The following UBE2E3 variants were observed in gnomAD, a reference collection of about 807,000 sequenced individuals.
The protein encoded by UBE2E3 is ubiquitin-conjugating enzyme E2 E3.
In UBE2E3, 5 loss-of-function variants were observed where a neutral mutation model predicts 23.6. That is an observed-to-expected ratio of 0.21 (90% confidence interval 0.11 to 0.44). UBE2E3 has a LOEUF of 0.44. UBE2E3 is among the 20% of genes least tolerant of loss of function. The pLI, the probability that UBE2E3 is intolerant of heterozygous loss-of-function variation, is 0.99. For missense variants in UBE2E3, 81 were observed against 249.8 expected, an observed-to-expected ratio of 0.32 and a Z score of 4.55; for synonymous variants, 78 against 87.5, an observed-to-expected ratio of 0.89 and a Z score of 0.60.
rs533457137 is a variant in UBE2E3 at position 181,041,077 on chromosome 2, G to A, written c.246-16616G>A. ...ATCCTGGCCAGCATGATGAAACCCA[G>A]TCTCTACCAAAAATAAAAAAATTAG... On this transcript the variant is annotated intron_variant, in intron 3 of 5. Coordinates refer to ENST00000410062, the MANE Select transcript of UBE2E3 (RefSeq NM_006357.4). Among the ~76,000 whole-genome samples the A allele has an allele frequency of 2.2e-4, 34 of 151,870 alleles. 1 individual carries two copies. In the South Asian group the frequency reaches 6.9e-3, roughly 31 times the overall value.
At position 181,031,128 on chromosome 2, in the gene UBE2E3, T is replaced by A. The variant is rs554538316; in HGVS notation, c.246-26565T>A. ...TGATTTTTGTGGCCTCTCATACTAT[T>A]TTTTTAAAAAATTTGTTAAAAATTG... On this transcript the variant is annotated intron_variant, in intron 3 of 5. Coordinates refer to ENST00000410062, the MANE Select transcript of UBE2E3 (RefSeq NM_006357.4). Among the ~76,000 whole-genome samples the A allele has an allele frequency of 2.5e-4, 38 of 152,278 alleles. 1 individual carries two copies. The highest frequency in any genetic ancestry group is 2.5e-3 in the Admixed American group (38 of 15,304).
Position 180,998,682 on chromosome 2 carries a change from A to G in UBE2E3, c.245+14589A>G, listed in dbSNP as rs74435208. On this transcript the variant is annotated intron_variant, in intron 3 of 5. Transcript: ENST00000410062. ...TAAGGCCCTGTGCGTGAGCATGTCT[A>G]TAGTTAAAGACTTAATGAGAAAGCA... 4.6e-5 allele frequency among the ~76,000 whole-genome samples: 7 copies of G among 152,308 alleles called. No individual in the cohort carries two copies. The East Asian group carries it at 7.7e-4, about 17-fold the overall frequency.
chr2:181,021,213 A>C (rs1331399688), intron 3 of UBE2E3, among the ~76,000 whole-genome samples: 1 of 152,160 alleles, frequency 6.6e-6, no homozygotes, highest in Non-Finnish European at 1.5e-5. Context: ...TTTTGCTGAC[A>C]AATAAGATAT....
At chr2:181,056,936 T>C (rs535101268) in intron 3 of UBE2E3, among the ~76,000 whole-genome samples, 80 of 151,860 alleles carry the variant, frequency 5.3e-4, no homozygotes, top group African/African-American at 1.9e-3. Context: ...GGACACATAC[T>C]ATTTCAGCCA....
At chr2:180,989,750 A>G in intron 3 of UBE2E3, 1 of 984,364 alleles carries the variant, frequency 1.0e-6, no homozygotes, top group Non-Finnish European at 1.4e-6. Context: ...ATGTGCTTTT[A>G]AAAAAAGTTA....
intron 3 of UBE2E3, among the ~76,000 whole-genome samples, chr2:181,027,986 A>G (rs542639402): frequency 1.3e-5 from 2 of 152,044 alleles, no homozygotes; most frequent in Admixed American, 6.6e-5. Flanking sequence ...TTGAATCTCT[A>G]TATGTTGTCT....
chr2:180,984,252 A>T (rs1684388062), intron 3 of UBE2E3, among the ~76,000 whole-genome samples, 159 bp downstream of exon 3: 1 of 152,222 alleles, frequency 6.6e-6, no homozygotes, highest in Admixed American at 6.5e-5. Context: ...ACTAGATAAA[A>T]TTGGGAGAAA....
chr2:181,022,226 G>A (rs1343891742), intron 3 of UBE2E3, among the ~76,000 whole-genome samples: 1 of 151,956 alleles, frequency 6.6e-6, no homozygotes, highest in Non-Finnish European at 1.5e-5. Flanking sequence ...TATAGGAAAT[G>A]TAACCTTTTT....
rs1436490600 is a variant in UBE2E3 at position 181,062,871 on chromosome 2, A to G, written c.607A>G (p.Lys203Glu). The change falls in exon 6 of 6, where the codon AAG (lysine) becomes GAG (glutamate). Residue 203 changes from lysine (K) to glutamate (E), a missense_variant. By Grantham distance (56) the Lys-to-Glu change is moderately conservative. Transcript: ENST00000410062. ...EHDRIARQWT[K>E]RYAT ...CGACAGGATAGCCAGACAGTGGACC[A>G]AGAGATACGCAACATAATTCACATA... 6.2e-7 allele frequency: 1 copy of G among 1,606,248 alleles called. No homozygotes were observed. The highest frequency in any genetic ancestry group is 1.3e-5 in the African/African-American group (1 of 74,416).
intron 3 of UBE2E3, among the ~76,000 whole-genome samples, chr2:181,032,769 A>G (rs1341733183): frequency 6.6e-6 from 1 of 152,110 alleles, no homozygotes; most frequent in African/African-American, 2.4e-5. Context: ...AAGCGCTTTA[A>G]TTTAGGATTA....
At chr2:181,028,380 A>G (rs1002079495) in intron 3 of UBE2E3, among the ~76,000 whole-genome samples, 2 of 152,072 alleles carry the variant, frequency 1.3e-5, no homozygotes, top group Non-Finnish European at 2.9e-5. Context: ...ATTACTGAAC[A>G]TGTGTTCTAG....
At chr2:180,992,253 ATACTCTTT>A (rs1265155805) in intron 3 of UBE2E3, among the ~76,000 whole-genome samples, 1 of 140,918 alleles carries the variant, frequency 7.1e-6, no homozygotes, top group Non-Finnish European at 1.6e-5. Context: ...TTGCTTTCAA[ATACTCTTT>A]TAATCATTCC....
chr2:181,060,881 T>G (rs1687131555), intron 5 of UBE2E3, 69 bp downstream of exon 5: 45 of 1,063,546 alleles, frequency 4.2e-5, no homozygotes, highest in Non-Finnish European at 5.5e-5. Context: ...TTTTTTTTTT[T>G]TTTTTTTAGT....
At chr2:181,045,696 G>GGACC (rs1475500310) in intron 3 of UBE2E3, among the ~76,000 whole-genome samples, 14 of 152,030 alleles carry the variant, frequency 9.2e-5, no homozygotes, top group Non-Finnish European at 1.8e-4. Context: ...GCCAAGGTTG[G>GGACC]GACCCATGGT....
intron 3 of UBE2E3, among the ~76,000 whole-genome samples, chr2:181,052,435 A>G (rs1389797731): frequency 6.6e-6 from 1 of 151,934 alleles, no homozygotes; most frequent in Non-Finnish European, 1.5e-5. Context: ...CAACAGCAGC[A>G]GCAAAATAAG....
intron 3 of UBE2E3, among the ~76,000 whole-genome samples, chr2:181,033,080 A>G (rs1194074525): frequency 6.6e-6 from 1 of 152,208 alleles, no homozygotes; most frequent in African/African-American, 2.4e-5. Flanking sequence ...GGAAGAATCA[A>G]TATTGTAAAA....
chr2:181,034,493 C>T (rs1280865662), intron 3 of UBE2E3, among the ~76,000 whole-genome samples: 3 of 152,132 alleles, frequency 2.0e-5, no homozygotes, highest in South Asian at 2.1e-4. Context: ...CACTTGGACA[C>T]AGGAAGGGGA....
chr2:181,059,392 C>T (rs1302408893), intron 4 of UBE2E3, among the ~76,000 whole-genome samples: 1 of 151,614 alleles, frequency 6.6e-6, no homozygotes, highest in African/African-American at 2.4e-5. Flanking sequence ...TGAGCAGTAA[C>T]GTCAGTGATC....
intron 3 of UBE2E3, among the ~76,000 whole-genome samples, chr2:181,038,243 T>C (rs1686361136): frequency 6.6e-6 from 1 of 152,198 alleles, no homozygotes; most frequent in Admixed American, 6.5e-5. Flanking sequence ...ACAAATCACA[T>C]TGTTTTACAG....
Sources: allele counts gnomAD v4.1 joint callset (sites outside exome capture counted in the v4.1 genomes callset), GRCh38; gene constraint gnomAD v4.1.1; transcripts MANE v1.5; gene names NCBI Gene and HGNC (gene_info 2026-07-23, HGNC 2026-07-21).